METTL15: variants seen among roughly 807,000 people sequenced by gnomAD.
The protein encoded by METTL15 is methyltransferase 15, mitochondrial 12S rRNA N4-cytidine.
A neutral mutation model predicts 38.3 loss-of-function variants in METTL15; 34 were observed. The ratio of observed to expected loss-of-function variants is 0.89; its 90% CI spans 0.68 to 1.18. The LOEUF (loss-of-function observed/expected upper bound fraction) is 1.18, where lower values mean the gene tolerates loss of function less well. METTL15 is among the 50% of genes most tolerant of loss of function. The pLI is 0.00. For synonymous variants in METTL15, 162 were observed against 170.9 expected, an observed-to-expected ratio of 0.95 and a Z score of 0.41; for missense variants, 438 against 498.4, an observed-to-expected ratio of 0.88 and a Z score of 1.15.
chr11:28,404,880 G>A (rs1850661387), intron 5 of METTL15, among the ~76,000 whole-genome samples: 1 of 152,012 alleles, frequency 6.6e-6, no homozygotes, highest in Admixed American at 6.6e-5. Context: ...TCTTCCTCTT[G>A]ATAGCATCAT....
At chr11:28,306,902 T>C (rs1211504006) in intron 6 of METTL15, among the ~76,000 whole-genome samples, 1 of 151,988 alleles carries the variant, frequency 6.6e-6, no homozygotes, top group East Asian at 1.9e-4. Flanking sequence ...TATCTTTTGC[T>C]TTGTGGCTGA....
intron 3 of METTL15, among the ~76,000 whole-genome samples, chr11:28,346,109 T>C (rs1020162286): frequency 6.6e-6 from 1 of 152,210 alleles, no homozygotes; most frequent in African/African-American, 2.4e-5. Context: ...CCTGTATGCA[T>C]CTCATTTTTG....
intron 4 of METTL15, among the ~76,000 whole-genome samples, chr11:28,273,745 A>G (rs1005852108): frequency 6.6e-6 from 1 of 152,084 alleles, no homozygotes; most frequent in African/African-American, 2.4e-5. Context: ...AAAGATATGA[A>G]TTTCAGTACA....
At chr11:28,167,040 T>G (rs1423779607) in intron 3 of METTL15, among the ~76,000 whole-genome samples, 3 of 152,212 alleles carry the variant, frequency 2.0e-5, no homozygotes, top group Non-Finnish European at 4.4e-5. Context: ...TTGATTGTAT[T>G]TGTTATTCTT....
chr11:28,301,173 A>G (rs1390592994), intron 6 of METTL15, among the ~76,000 whole-genome samples: 1 of 152,074 alleles, frequency 6.6e-6, no homozygotes, highest in Admixed American at 6.6e-5. Context: ...TGTTCCAGCC[A>G]TATTGAAGTT....
chr11:28,450,465 C>T (rs753145260), intron 6 of METTL15, among the ~76,000 whole-genome samples: 1 of 152,132 alleles, frequency 6.6e-6, no homozygotes, highest in African/African-American at 2.4e-5. Flanking sequence ...TTTGTGAAGA[C>T]TAAATGATAT....
chr11:28,193,870 C>T (rs917684492), intron 3 of METTL15, among the ~76,000 whole-genome samples: 1 of 152,092 alleles, frequency 6.6e-6, no homozygotes, highest in Non-Finnish European at 1.5e-5. Flanking sequence ...AGTCCAGACT[C>T]TTTAGTTTGA....
chr11:28,180,124 T>G (rs1237409289), intron 3 of METTL15, among the ~76,000 whole-genome samples: 1 of 151,908 alleles, frequency 6.6e-6, no homozygotes, highest in Non-Finnish European at 1.5e-5. Context: ...GAATCTATAT[T>G]GTCTTGTCTG....
chr11:28,264,193 C>T (rs1162230526), intron 4 of METTL15, among the ~76,000 whole-genome samples: 2 of 152,074 alleles, frequency 1.3e-5, no homozygotes, highest in Non-Finnish European at 2.9e-5. Flanking sequence ...TGTCTTAATT[C>T]TCCAGTATAA....
chr11:28,416,350 C>T (rs1850772172), intron 5 of METTL15, among the ~76,000 whole-genome samples: 1 of 151,982 alleles, frequency 6.6e-6, no homozygotes, highest in Non-Finnish European at 1.5e-5. Context: ...AAAAATGGTC[C>T]CAGGGAAGAG....
intron 4 of METTL15, among the ~76,000 whole-genome samples, chr11:28,214,431 C>T (rs1852778213): frequency 6.6e-6 from 1 of 152,116 alleles, no homozygotes; most frequent in South Asian, 2.1e-4. Flanking sequence ...ACTAGTATAT[C>T]TAATTTACCT....
intron 3 of METTL15, 78 bp from the exon 4 acceptor site, chr11:28,210,984 C>T (rs1852611167): frequency 1.4e-6 from 2 of 1,399,826 alleles, no homozygotes; most frequent in East Asian, 4.8e-5. Context: ...TCATTGTGTG[C>T]TTCTAGAAAT....
At chr11:28,490,965 TA>T (rs1305612201) in intron 6 of METTL15, among the ~76,000 whole-genome samples, 2 of 152,176 alleles carry the variant, frequency 1.3e-5, no homozygotes, top group Admixed American at 1.3e-4. Flanking sequence ...AATTATGAAA[TA>T]AAAACACTGT....
intron 2 of METTL15, among the ~76,000 whole-genome samples, chr11:28,111,064 C>T (rs1027685047): frequency 7.2e-5 from 11 of 152,074 alleles, no homozygotes; most frequent in Non-Finnish European, 1.5e-4. Flanking sequence ...CATGCCACAC[C>T]CCCAGCTTCC....
intron 3 of METTL15, among the ~76,000 whole-genome samples, chr11:28,179,076 A>T (rs1213252361): frequency 6.6e-6 from 1 of 151,642 alleles, no homozygotes; most frequent in East Asian, 1.9e-4. Flanking sequence ...CTCTGATTTA[A>T]ATAGAGAGAG....
intron 6 of METTL15, among the ~76,000 whole-genome samples, chr11:28,307,521 G>C (rs1857124117): frequency 6.6e-6 from 1 of 151,938 alleles, no homozygotes; most frequent in Admixed American, 6.6e-5. Context: ...CTATTAGGTA[G>C]ACTCAGACCT....
chr11:28,473,964 A>G (rs1851324012), intron 6 of METTL15, among the ~76,000 whole-genome samples: 1 of 151,616 alleles, frequency 6.6e-6, no homozygotes, highest in African/African-American at 2.4e-5. Context: ...CAGAATTGAT[A>G]TTTCCTCTTC....
chr11:28,511,680 C>G (rs1209743752), intron 6 of METTL15, among the ~76,000 whole-genome samples: 10 of 152,096 alleles, frequency 6.6e-5, no homozygotes, highest in Admixed American at 6.5e-4. Context: ...GGTTCATGGT[C>G]TCACTGGTTT....
intron 6 of METTL15, among the ~76,000 whole-genome samples, chr11:28,443,473 C>A (rs1851051839): frequency 6.6e-6 from 1 of 152,058 alleles, no homozygotes; most frequent in Non-Finnish European, 1.5e-5. Context: ...TAGACAGTTC[C>A]CAAGTTTATA....
Sources: gnomAD v4.1 joint callset for allele counts (sites outside exome capture counted in the v4.1 genomes callset) on GRCh38, gnomAD v4.1.1 for gene constraint, MANE v1.5 for transcripts, NCBI Gene and HGNC (gene_info 2026-07-23, HGNC 2026-07-21) for gene names.